Variants in ECE1 observed in about 807,000 individuals in gnomAD.
ECE1 encodes endothelin converting enzyme 1.
ECE1 carries 35 observed loss-of-function variants against 98.6 expected under a neutral mutation model. That is an observed-to-expected ratio of 0.35 (90% CI 0.27 to 0.47). The LOEUF (loss-of-function observed/expected upper bound fraction) is 0.47, where lower values mean the gene tolerates loss of function less well. Ranked by LOEUF, ECE1 falls within the 20% of genes least tolerant of loss-of-function variation. ECE1 has a pLI of 1.00. For missense variants in ECE1, 814 were observed against 1,025.3 expected, an observed-to-expected ratio of 0.79 and a Z score of 2.81; for synonymous variants, 394 against 407.1, an observed-to-expected ratio of 0.97 and a Z score of 0.39.
chr1:21,238,038 G>A (rs2098190542), intron 11 of ECE1, 96 bp downstream of exon 11: 5 of 1,157,846 alleles, frequency 4.3e-6, no homozygotes, highest in East Asian at 2.4e-5. Flanking sequence ...CCAGGAGCAG[G>A]AAAGGCCCAG....
At chr1:21,252,215 A>G (rs944008816) in intron 8 of ECE1, among the ~76,000 whole-genome samples, 6 of 152,252 alleles carry the variant, frequency 3.9e-5, no homozygotes, top group African/African-American at 1.4e-4. Flanking sequence ...TGTTCTGTGC[A>G]GGGAAGTTCC....
At position 21,345,462 on chromosome 1, in the gene ECE1, A is replaced by G; in HGVS notation, c.-84T>C. The stretch of plus-strand genomic sequence containing the variant: ...GCTCCGGGTTCCCTGCTCCCAGCCC[A>G]GCTGCTCGGACGGCTCGGCTGCCTG... On this transcript the variant is annotated 5_prime_UTR_variant, in exon 1 of 19. Transcript: ENST00000415912. The surrounding 1 kb of genome is among the most constrained non-coding windows in gnomAD (Gnocchi z 5.1). 1 of 1,207,104 alleles carries G rather than the reference A, an allele frequency of 8.3e-7. No homozygotes were observed. Among genetic ancestry groups the G allele is most frequent in the Non-Finnish European group, 1.1e-6 (1 of 949,892 alleles). 74.8% of individuals were successfully genotyped at this position (1,207,104 alleles called of 1,614,324 possible).
chr1:21,296,504 C>A (rs746971266), intron 1 of ECE1, among the ~76,000 whole-genome samples: 10 of 152,000 alleles, frequency 6.6e-5, no homozygotes, highest in South Asian at 2.1e-4. Flanking sequence ...CAGAGCAAGA[C>A]CCTGTCTCAA....
chr1:21,313,428 G>A (rs544262326), intron 1 of ECE1, among the ~76,000 whole-genome samples: 1 of 152,300 alleles, frequency 6.6e-6, no homozygotes, highest in East Asian at 1.9e-4. Context: ...AGCTGACAGT[G>A]GGGGAATGAT....
At position 21,217,577 on chromosome 1, in the gene ECE1, G is replaced by A. The variant is rs541343019; in HGVS notation, c.*2378C>T. ...CTGCACCCCCAGCCCTAGGACACCT[G>A]CCTGTGTCCAGGGAGGGGGTCCAAG... is the stretch of plus-strand genomic sequence containing the variant. On this transcript the variant is annotated 3_prime_UTR_variant, in exon 19 of 19. Coordinates refer to ENST00000374893, the MANE Select transcript of ECE1 (RefSeq NM_001397.3). 63 of 152,374 alleles carry A rather than the reference G, an allele frequency of 4.1e-4. 1 individual carries two copies. The highest frequency in any genetic ancestry group is 1.2e-3 in the African/African-American group (49 of 41,576). The allele number at this position is 152,374 out of a possible 1,614,324, so 9.4% of individuals were successfully genotyped here.
At chr1:21,264,254 A>G (rs1167008096) in intron 4 of ECE1, among the ~76,000 whole-genome samples, 3 of 151,554 alleles carry the variant, frequency 2.0e-5, no homozygotes, top group African/African-American at 4.8e-5. Context: ...GGGAGTCTGT[A>G]GAGTGCATTG....
chr1:21,221,666 T>C, intron 18 of ECE1, 81 bp downstream of exon 18: 1 of 1,442,698 alleles, frequency 6.9e-7, no homozygotes, highest in South Asian at 1.1e-5. Context: ...TGTGGGGAAC[T>C]TGCCTTTCGG....
At chr1:21,232,827 G>A (rs534495152) in intron 14 of ECE1, among the ~76,000 whole-genome samples, 117 of 152,064 alleles carry the variant, frequency 7.7e-4, no homozygotes, top group African/African-American at 2.6e-3. Context: ...ACAGGTGTGC[G>A]CCACCACACC....
At chr1:21,268,140 A>G (rs1402993360) in intron 4 of ECE1, among the ~76,000 whole-genome samples, 1 of 152,108 alleles carries the variant, frequency 6.6e-6, no homozygotes, top group African/African-American at 2.4e-5. Flanking sequence ...CACAGAAGAC[A>G]ATGGAGGCAG....
intron 8 of ECE1, among the ~76,000 whole-genome samples, chr1:21,249,645 A>G (rs909756327): frequency 2.0e-5 from 3 of 152,122 alleles, no homozygotes; most frequent in African/African-American, 7.2e-5. Context: ...TCACACCACT[A>G]CACTTCAGCC....
intron 1 of ECE1, chr1:21,298,556 C>G (rs1638419206): frequency 5.6e-6 from 2 of 357,312 alleles, no homozygotes; most frequent in East Asian, 1.5e-4. Context: ...AAGGCCTCAG[C>G]CCAGTGCCTA....
rs1311542743 is a variant in ECE1 at position 21,227,867 on chromosome 1, C to T, written c.1781+64G>A. The T allele has an allele frequency of 8.3e-6, 11 of 1,320,120 alleles. No homozygotes were observed. In the East Asian group the frequency reaches 1.3e-4, roughly 15 times the overall value. 81.8% of individuals were successfully genotyped at this position (1,320,120 alleles called of 1,614,324 possible). A position where few individuals can be genotyped will look rare whatever the true frequency, so the allele number is the denominator to read the frequency against. On this transcript the variant is annotated intron_variant, in intron 15 of 18. Coordinates refer to ENST00000374893, the MANE Select transcript of ECE1 (RefSeq NM_001397.3). Reference sequence around the variant, plus strand: ...ATCACATGGTGAGACTGGCTTAGGTCGTATGGGCCCCAGGGCTGGGCTGGG... The same window carrying T: ...ATCACATGGTGAGACTGGCTTAGGTTGTATGGGCCCCAGGGCTGGGCTGGG...
chr1:21,247,225 T>C lies in ECE1; in HGVS notation c.1159A>G (p.Arg387Gly). 1 of 1,614,192 alleles carries C rather than the reference T, an allele frequency of 6.2e-7. No homozygotes were observed. The highest frequency in any genetic ancestry group is 8.5e-7 in the Non-Finnish European group (1 of 1,180,014). Residue 387 changes from arginine (R) to glycine (G), a missense_variant, in exon 9 of 19, where the codon AGA becomes GGA. By Grantham distance (125) the Arg-to-Gly change is moderately radical. This residue lies in a region of ECE1 where 452 missense variants were observed against 567.3 expected (regional missense o/e 0.80). Coordinates refer to ENST00000374893, the MANE Select transcript of ECE1 (RefSeq NM_001397.3). ...QISTLINTTD[R>G]CLLNNYMIWN... ...GGCCACTGGGGGTCCTCTTACCATC[T>C]GTCGGTGGTGTTGATGAGAGTGGAG... is the stretch of plus-strand genomic sequence containing the variant.
chr1:21,332,057 G>A (rs1163334834), intron 1 of ECE1, among the ~76,000 whole-genome samples: 1 of 152,144 alleles, frequency 6.6e-6, no homozygotes, highest in African/African-American at 2.4e-5. Context: ...GTGGACTTGA[G>A]CTCACTAAGG....
In ECE1 at chr1:21,272,854, C is replaced by T. The variant is rs760287456; in HGVS notation, c.338G>A (p.Ser113Asn). The change falls in exon 4 of 19, where the codon AGC becomes AAC. Residue 113 changes from serine to asparagine, a missense_variant. Ser to Asn is a conservative substitution (Grantham distance 46). Transcript: ENST00000374893. ...GGGGTCCACTGTGGGGTCCATGGAGCTCAAGATGGAGCTGGTCACTGAGAC... is the reference window on the plus strand; with the variant it reads ...GGGGTCCACTGTGGGGTCCATGGAGTTCAAGATGGAGCTGGTCACTGAGAC... ...ACVSVTSSIL[S>N]SMDPTVDPCH... 2 of 1,614,106 alleles carry T rather than the reference C, an allele frequency of 1.2e-6. No individual in the cohort carries two copies. The highest frequency in any genetic ancestry group is 1.7e-6 in the Non-Finnish European group (2 of 1,180,042).
chr1:21,302,400 T>A lies in ECE1; in HGVS notation c.4-12244A>T, dbSNP rs1402064996. 2.6e-5 allele frequency among the ~76,000 whole-genome samples: 4 copies of A among 152,368 alleles called. No homozygotes were observed. The East Asian group carries it at 7.7e-4, about 29-fold the overall frequency. On this transcript the variant is annotated intron_variant, in intron 1 of 18. Coordinates refer to the ECE1 transcript ENST00000415912. ...GGAGTCTACCTGTCTGAGCCTCGACTTTCTCATTGGTGAAACGGTGATGAT... is the reference window on the plus strand; with the variant it reads ...GGAGTCTACCTGTCTGAGCCTCGACATTCTCATTGGTGAAACGGTGATGAT...
At chr1:21,227,254 T>G in intron 15 of ECE1, 28 bp from the exon 16 acceptor site, 2 of 1,610,076 alleles carry the variant, frequency 1.2e-6, no homozygotes, top group South Asian at 1.1e-5. Context: ...AAGGTAGAGA[T>G]GATGCTTTGA....
chr1:21,302,611 A>G (rs1638509614), intron 1 of ECE1, among the ~76,000 whole-genome samples: 1 of 152,164 alleles, frequency 6.6e-6, no homozygotes, highest in Non-Finnish European at 1.5e-5. Flanking sequence ...TTCAGGCTCC[A>G]GAAATGACCA....
At chr1:21,228,986 C>T (rs113687227) in intron 14 of ECE1, among the ~76,000 whole-genome samples, 258 of 151,566 alleles carry the variant, frequency 1.7e-3, no homozygotes, top group African/African-American at 5.5e-3. Flanking sequence ...GGACTACAGG[C>T]GCCCACCACC....
Sources: gnomAD v4.1 joint callset for allele counts (sites outside exome capture counted in the v4.1 genomes callset) on GRCh38, gnomAD v4.1.1 for gene constraint, gnomAD v4.1.1 regional missense constraint, Gnocchi (gnomAD v3.1) non-coding constraint, MANE v1.5 for transcripts, NCBI Gene and HGNC (gene_info 2026-07-23, HGNC 2026-07-21) for gene names.